The following PTPRN variants were observed in gnomAD, a reference collection of about 807,000 sequenced individuals.
The protein encoded by PTPRN is receptor-type tyrosine-protein phosphatase-like N.
In PTPRN, 70 loss-of-function variants were observed where a neutral mutation model predicts 108.5. The observed-to-expected ratio is 0.65, with a 90% CI of 0.53 to 0.79. PTPRN has a LOEUF of 0.79. Among genes scored for constraint, PTPRN ranks in the 30% least tolerant of loss-of-function variants. The pLI, the probability that PTPRN is intolerant of heterozygous loss-of-function variation, is 0.00. For missense variants in PTPRN, 1,136 were observed against 1,295.5 expected, an observed-to-expected ratio of 0.88 and a Z score of 1.89; for synonymous variants, 496 against 524.6, an observed-to-expected ratio of 0.95 and a Z score of 0.75.
Position 219,302,608 on chromosome 2 carries a change from G to T in PTPRN, c.607C>A (p.Pro203Thr). Reference protein sequence around the residue: ...QPPHPSLSYEPALLQPYLFHQ... With the variant: ...QPPHPSLSYETALLQPYLFHQ... ...AACAGGTAGGGCTGCAGCAAGGCAG[G>T]TTCGTAACTCAGTGAAGGGTGGGGA... The change falls in exon 5 of 23, where the codon CCT becomes ACT. Residue 203 changes from proline (P) to threonine (T), a missense_variant. Transcript: ENST00000295718. 3 of 1,614,010 alleles carry T rather than the reference G, an allele frequency of 1.9e-6. No individual in the cohort carries two copies. The highest frequency in any genetic ancestry group is 2.5e-6 in the Non-Finnish European group (3 of 1,179,956).
chr2:219,300,564 T>G (rs1574924056), intron 8 of PTPRN: 1 of 467,996 alleles, frequency 2.1e-6, no homozygotes, highest in African/African-American at 2.0e-5. Flanking sequence ...CAGGCGATGG[T>G]TTCTAGACTT....
At chr2:219,307,349 G>T in intron 3 of PTPRN, 95 bp downstream of exon 3, 1 of 1,039,032 alleles carries the variant, frequency 9.6e-7, no homozygotes. Flanking sequence ...CTCCAGCAGT[G>T]GGGGTGATAG....
In PTPRN at chr2:219,290,629, G is replaced by A. The variant is rs767200351; in HGVS notation, c.2795-18C>T. On this transcript the variant is annotated intron_variant, in intron 21 of 22. Transcript: ENST00000295718. The surrounding 1 kb of genome is among the most constrained non-coding windows in gnomAD (Gnocchi z 4.2). ...CTTCACTCCTGGAGATGGAGGTGGGGATGGGGCTGCTCAGGGGGTGTCCAG... is the reference window on the plus strand; with the variant it reads ...CTTCACTCCTGGAGATGGAGGTGGGAATGGGGCTGCTCAGGGGGTGTCCAG... 2 of 1,550,156 alleles carry A rather than the reference G, an allele frequency of 1.3e-6. No homozygotes were observed. The highest frequency in any genetic ancestry group is 1.7e-6 in the Non-Finnish European group (2 of 1,145,356).
At position 219,298,905 on chromosome 2, in the gene PTPRN, G is replaced by A. The variant is rs183028252; in HGVS notation, c.1668+142C>T. 1,397 of 900,128 alleles carry A rather than the reference G, an allele frequency of 1.6e-3. 1 individual carries two copies. The highest frequency in any genetic ancestry group is 1.8e-3 in the Non-Finnish European group (990 of 542,406). The allele number at this position is 900,128 out of a possible 1,614,324, so 55.8% of individuals were successfully genotyped here. A position where few individuals can be genotyped will look rare whatever the true frequency, so the allele number is the denominator to read the frequency against. On this transcript the variant is annotated intron_variant, in intron 12 of 22. Coordinates refer to ENST00000295718, the MANE Select transcript of PTPRN (RefSeq NM_002846.4). ...GTGAGAAAGAGAACTGCGGGGAGGG[G>A]CTGCTTGGGCGAAGGCCGCCTCCAG...
At chr2:219,301,810 T>C (rs1462582481) in intron 6 of PTPRN, 91 bp from the exon 7 acceptor site, 1 of 1,430,570 alleles carries the variant, frequency 7.0e-7, no homozygotes, top group Non-Finnish European at 9.4e-7. Flanking sequence ...GGGACTAGCA[T>C]GTTAAGAGAG....
chr2:219,294,090 G>A (rs779822632), intron 19 of PTPRN: 5 of 528,454 alleles, frequency 9.5e-6, no homozygotes, highest in African/African-American at 1.9e-5. Context: ...CGGGCCACAT[G>A]TCCTGTCTGT....
In PTPRN at chr2:219,302,702, G is replaced by A; in HGVS notation, c.513C>T (p.Ser171=). ...GCTCAGCCTGCAGAGGGGACAGAGA[G>A]GAGCTGGCCCCAGCTCCACCTTTGC... ...PVGKGGAGAS[S]SLSPLQAELL... The change falls in exon 5 of 23, where the codon TCC becomes TCT. Residue 171 remains serine, a synonymous_variant. Coordinates refer to ENST00000295718, the MANE Select transcript of PTPRN (RefSeq NM_002846.4). 3 of 1,613,308 alleles carry A rather than the reference G, an allele frequency of 1.9e-6. No homozygotes were observed. Among genetic ancestry groups the A allele is most frequent in the Non-Finnish European group, 2.5e-6 (3 of 1,179,834 alleles).
chr2:219,300,991 A>G lies in PTPRN; in HGVS notation c.1127-14T>C. 1 of 1,614,132 alleles carries G rather than the reference A, an allele frequency of 6.2e-7. No individual in the cohort carries two copies. On this transcript the variant is annotated splice_polypyrimidine_tract_variant and intron_variant, in intron 7 of 22. Coordinates refer to ENST00000295718, the MANE Select transcript of PTPRN (RefSeq NM_002846.4). The stretch of plus-strand genomic sequence containing the variant: ...TTACAACCCCTCCTGCGAGACAGGA[A>G]AAACAAGAGTCTGGAAAAATGGCCA...
chr2:219,309,311 C>CA lies in PTPRN; in HGVS notation c.21dup (p.Gly8TrpfsTer29). On this transcript the variant is annotated frameshift_variant, in exon 1 of 23. Transcript: ENST00000295718. LOFTEE classifies it high-confidence loss of function. ...AGACCCCCGGATCCCCCGAGACCCC[C>CA]AGGCCGCCGCGGGCGCCGCATCTTT... The CA allele has an allele frequency of 6.7e-7, 1 of 1,491,554 alleles. No homozygotes were observed. The highest frequency in any genetic ancestry group is 8.9e-7 in the Non-Finnish European group (1 of 1,124,540). 92.4% of individuals were successfully genotyped at this position (1,491,554 alleles called of 1,614,324 possible).
chr2:219,297,291 G>A lies in PTPRN; in HGVS notation c.2030C>T (p.Ser677Phe), dbSNP rs1437071450. The A allele has an allele frequency of 1.2e-6, 2 of 1,613,990 alleles. No homozygotes were observed. The highest frequency in any genetic ancestry group is 1.7e-6 in the Non-Finnish European group (2 of 1,180,046). The change falls in exon 14 of 23, where the codon TCC becomes TTC. Residue 677 changes from serine (S) to phenylalanine (F), a missense_variant. Transcript: ENST00000295718. This position sits in a 1 kb window ranked among gnomAD's most constrained non-coding sequence, Gnocchi z 6.0. ...ASPSSHSSTP[S>F]WCEEPAQANM... The stretch of plus-strand genomic sequence containing the variant: ...GGCTTGGGCCGGCTCCTCGCACCAG[G>A]ACGGGGTGCTGCTGTGGGAGCTGGG...
In PTPRN at chr2:219,302,302, C is replaced by T; in HGVS notation, c.829G>A (p.Gly277Arg). 6.2e-7 allele frequency: 1 copy of T among 1,614,012 alleles called. No individual in the cohort carries two copies. The highest frequency in any genetic ancestry group is 1.1e-5 in the South Asian group (1 of 91,072). Residue 277 changes from glycine (G) to arginine (R), a missense_variant, in exon 6 of 23, where the codon GGG becomes AGG. Physicochemically the swap from Gly to Arg is moderately radical, Grantham distance 125. Transcript: ENST00000295718. Reference sequence around the variant, plus strand: ...AACTCCTGGGCCAGATAGAGCAGCCCAGAGTCTTGAAAAAGCTGGGCAGGT... The same window carrying T: ...AACTCCTGGGCCAGATAGAGCAGCCTAGAGTCTTGAAAAAGCTGGGCAGGT... ...PSPAQLFQDS[G>R]LLYLAQELPA...
At chr2:219,308,565 C>T (rs1952543144) in intron 1 of PTPRN, among the ~76,000 whole-genome samples, 1 of 151,790 alleles carries the variant, frequency 6.6e-6, no homozygotes. Flanking sequence ...CTCCCATCCC[C>T]CACCCCCTGT....
intron 8 of PTPRN, 117 bp downstream of exon 8, chr2:219,300,826 C>T: frequency 1.7e-6 from 2 of 1,201,414 alleles, no homozygotes; most frequent in East Asian, 4.7e-5. Flanking sequence ...CCTTGGTTTC[C>T]CCCAAAATGA....
intron 1 of PTPRN, 31 bp downstream of exon 1, chr2:219,309,187 C>CCCCCCCCCCCCCCCCCACTTT: frequency 7.3e-7 from 1 of 1,374,332 alleles, no homozygotes; most frequent in Non-Finnish European, 1.0e-6. Context: ...CCCCGCCCCC[C>CCCCCCCCCCCCCCCCCACTTT]ACCACCCGCC....
Position 219,301,723 on chromosome 2 carries a change from C to G in PTPRN, c.995-4G>C, listed in dbSNP as rs1214704830. 1.2e-6 allele frequency: 2 copies of G among 1,605,784 alleles called. No individual in the cohort carries two copies. The highest frequency in any genetic ancestry group is 1.7e-6 in the Non-Finnish European group (2 of 1,173,686). On this transcript the variant is annotated splice_region_variant and splice_polypyrimidine_tract_variant and intron_variant, in intron 6 of 22. Coordinates refer to ENST00000295718, the MANE Select transcript of PTPRN (RefSeq NM_002846.4). ...GCCAGCCTCTGCAGAGCCGCATCTG[C>G]TGGGAGCCAGACACAGAGCTTAGGG... is the stretch of plus-strand genomic sequence containing the variant.
chr2:219,299,174 TC>T, intron 11 of PTPRN, 63 bp from the exon 12 acceptor site: 1 of 1,608,938 alleles, frequency 6.2e-7, no homozygotes, highest in Non-Finnish European at 8.5e-7. Flanking sequence ...TCTGTCTTGC[TC>T]TGCCAAGCAG....
chr2:219,300,969 C>G lies in PTPRN; in HGVS notation c.1135G>C (p.Val379Leu). Residue 379 changes from valine (V) to leucine (L), a missense_variant, in exon 8 of 23, where the codon GTA (valine) becomes CTA (leucine). Physicochemically the swap from Val to Leu is conservative, Grantham distance 32. Transcript: ENST00000295718. The stretch of plus-strand genomic sequence containing the variant: ...TTCTTGATATCAGCTCCAACATTTA[C>G]AACCCCTCCTGCGAGACAGGAAAAA... ...KGAGRNPGGV[V>L]NVGADIKKTM... 1 of 1,614,142 alleles carries G rather than the reference C, an allele frequency of 6.2e-7. No individual in the cohort carries two copies. The highest frequency in any genetic ancestry group is 1.3e-5 in the African/African-American group (1 of 75,034).
rs528770910 is a variant in PTPRN, at chr2:219,293,675, C to T, written c.2675+1300G>A. Among the ~76,000 whole-genome samples the T allele has an allele frequency of 1.2e-3, 188 of 152,302 alleles. 5 individuals are homozygous for T. In the South Asian group the frequency reaches 0.022, roughly 18 times the overall value. On this transcript the variant is annotated intron_variant, in intron 19 of 22. Transcript: ENST00000295718. ...TGATACCCTGGCACTGCTTTCAAGA[C>T]GCCTGTGTCTCAGGCCTCAGGGACC...
rs1299359585 is a variant in PTPRN, at chr2:219,302,577, T to C, written c.638A>G (p.Gln213Arg). 6.2e-7 allele frequency: 1 copy of C among 1,613,868 alleles called. No individual in the cohort carries two copies. Among genetic ancestry groups the C allele is most frequent in the Non-Finnish European group, 8.5e-7 (1 of 1,179,950 alleles). The change falls in exon 5 of 23, where the codon CAG (glutamine) becomes CGG (arginine). Residue 213 changes from glutamine (Q) to arginine (R), a missense_variant and splice_region_variant. By Grantham distance (43) the Gln-to-Arg change is conservative. Coordinates refer to ENST00000295718, the MANE Select transcript of PTPRN (RefSeq NM_002846.4). ...PALLQPYLFH[Q>R]FGSRDGSRVS... ...GTGGGACCAGAGTCAAGGACTTACC[T>C]GGTGGAACAGGTAGGGCTGCAGCAA...
Sources: gnomAD v4.1 joint callset for allele counts (sites outside exome capture counted in the v4.1 genomes callset) on GRCh38, gnomAD v4.1.1 for gene constraint, Gnocchi (gnomAD v3.1) non-coding constraint, MANE v1.5 for transcripts, NCBI Gene and HGNC (gene_info 2026-07-23, HGNC 2026-07-21) for gene names.